The following TCF4 variants were observed in gnomAD, a reference collection of about 807,000 sequenced individuals.
TCF4 encodes SL3-3 enhancer factor 2.
Under a neutral mutation model 82.1 loss-of-function variants are expected in TCF4, and 3 were observed. The observed-to-expected ratio is 0.04, with a 90% CI of 0.02 to 0.09. The LOEUF (loss-of-function observed/expected upper bound fraction) is 0.09, where lower values mean the gene tolerates loss of function less well. Among genes scored for constraint, TCF4 ranks in the 10% least tolerant of loss-of-function variants. The pLI is 1.00. For synonymous variants in TCF4, 276 were observed against 309.6 expected (o/e 0.89, Z 1.14); for missense variants, 518 against 852.7 (o/e 0.61, Z 4.89).
In TCF4 at chr18:55,521,637, C is replaced by T. The variant is rs139450318; in HGVS notation, c.146-57500G>A. Reference sequence around the variant, plus strand: ...GGCCATGTGCCTTCTGCAAGGCCATCCACCATTGCTCTAAAAAGTGCAGGT... The same window carrying T: ...GGCCATGTGCCTTCTGCAAGGCCATTCACCATTGCTCTAAAAAGTGCAGGT... On this transcript the variant is annotated intron_variant, in intron 3 of 19. Coordinates refer to ENST00000354452, the MANE Select transcript of TCF4 (RefSeq NM_001083962.2). 2.9e-3 allele frequency among the ~76,000 whole-genome samples: 435 copies of T among 152,304 alleles called. 11 individuals carry two copies. The highest frequency in any genetic ancestry group is 0.024 in the Admixed American group (373 of 15,292).
upstream of TCF4, chr18:55,589,535 A>T (rs2097679461): frequency 6.7e-6 from 7 of 1,038,670 alleles, no homozygotes; most frequent in South Asian, 1.4e-4. Flanking sequence ...AGAAATCATT[A>T]AAAAAAAATC....
At chr18:55,576,737 T>C (rs920376639) in intron 3 of TCF4, among the ~76,000 whole-genome samples, 4 of 152,202 alleles carry the variant, frequency 2.6e-5, no homozygotes, top group Non-Finnish European at 5.9e-5. Flanking sequence ...CACATTATTG[T>C]GTCTTCCCAA....
chr18:55,295,054 T>C (rs558926008), intron 8 of TCF4, among the ~76,000 whole-genome samples: 6 of 152,166 alleles, frequency 3.9e-5, no homozygotes, highest in Non-Finnish European at 7.3e-5. Flanking sequence ...CAAAAACAGG[T>C]TGGACTGACT....
intron 6 of TCF4, among the ~76,000 whole-genome samples, chr18:55,361,720 T>C (rs1307837869): frequency 6.6e-6 from 1 of 152,190 alleles, no homozygotes; most frequent in African/African-American, 2.4e-5. Flanking sequence ...GTCCTCACTG[T>C]TGAGTCCCAA....
At chr18:55,289,116 T>G (rs1170796904) in intron 8 of TCF4, among the ~76,000 whole-genome samples, 1 of 152,104 alleles carries the variant, frequency 6.6e-6, no homozygotes. Flanking sequence ...TAGCTGAGAG[T>G]GCCTTAAACT....
rs1326287972 is a variant in TCF4, at chr18:55,407,111, A to G, written c.305-3593T>C. 2.6e-5 allele frequency among the ~76,000 whole-genome samples: 4 copies of G among 152,116 alleles called. No individual in the cohort carries two copies. In the East Asian group the frequency reaches 7.7e-4, roughly 29 times the overall value. On this transcript the variant is annotated intron_variant, in intron 5 of 19. Coordinates refer to ENST00000354452, the MANE Select transcript of TCF4 (RefSeq NM_001083962.2). ...GGCGGGGGGAGATTCTGAAATATAT[A>G]CCAGAAACAAATCTTGTCAGGCATT...
At chr18:55,441,804 A>G (rs7231748) in intron 5 of TCF4, among the ~76,000 whole-genome samples, 50,515 of 152,084 alleles carry the variant, frequency 0.33, 8,621 homozygotes, top group East Asian at 0.47. Flanking sequence ...TGAGTAATAT[A>G]GTCACAAATC....
chr18:55,257,148 T>C (rs2057036963), intron 14 of TCF4, among the ~76,000 whole-genome samples, 167 bp downstream of exon 14: 1 of 152,054 alleles, frequency 6.6e-6, no homozygotes, highest in Admixed American at 6.6e-5. Flanking sequence ...CATCTCCAAA[T>C]AGGAGCAAGC....
chr18:55,242,899 C>G (rs2051771673), intron 15 of TCF4, among the ~76,000 whole-genome samples: 1 of 152,118 alleles, frequency 6.6e-6, no homozygotes, highest in Non-Finnish European at 1.5e-5. Context: ...TGAACCACCG[C>G]GCCTAGCCCA....
chr18:55,520,576 T>C (rs191681305), intron 3 of TCF4, among the ~76,000 whole-genome samples: 376 of 152,336 alleles, frequency 2.5e-3, no homozygotes, highest in South Asian at 6.2e-3. Context: ...TATCACATTA[T>C]GTAAACCATG....
chr18:55,336,286 A>G (rs1207478573), intron 8 of TCF4, among the ~76,000 whole-genome samples: 2 of 152,070 alleles, frequency 1.3e-5, no homozygotes, highest in African/African-American at 2.4e-5. Flanking sequence ...CTAAATAGAG[A>G]GTATGTCTGT....
intron 11 of TCF4, 158 bp downstream of exon 11, chr18:55,269,673 G>C: frequency 1.0e-6 from 1 of 994,986 alleles, no homozygotes. Context: ...TCAAGCCAGT[G>C]ATTTTACTTC....
At chr18:55,300,440 T>G (rs941124257) in intron 8 of TCF4, among the ~76,000 whole-genome samples, 25 of 9,896 alleles carry the variant, frequency 2.5e-3, no homozygotes, top group Admixed American at 6.5e-3. Context: ...GGGGGAGGGG[T>G]AAGTGGGGGA....
At chr18:55,302,457 C>T (rs1328603561) in intron 8 of TCF4, 1 of 1,536,266 alleles carries the variant, frequency 6.5e-7, no homozygotes, top group Admixed American at 2.0e-5. Flanking sequence ...AGCCCTGTAT[C>T]TGAGCATCTG....
At chr18:55,469,162 T>A (rs1039309439) in intron 3 of TCF4, among the ~76,000 whole-genome samples, 1 of 152,170 alleles carries the variant, frequency 6.6e-6, no homozygotes, top group African/African-American at 2.4e-5. Context: ...ATGAGTCCCC[T>A]CTACAGTGTC....
chr18:55,360,727 C>A (rs1188411454), intron 6 of TCF4, among the ~76,000 whole-genome samples: 1 of 62,800 alleles, frequency 1.6e-5, no homozygotes, highest in Non-Finnish European at 2.4e-5. Context: ...GCCCGCCCCC[C>A]ACCCTTTTTT....
At chr18:55,616,622 A>G (rs1410463708) in intron 2 of TCF4, among the ~76,000 whole-genome samples, 2 of 152,024 alleles carry the variant, frequency 1.3e-5, no homozygotes. Context: ...CCTCACCAAC[A>G]TTTATCTTTT....
At chr18:55,269,187 T>C (rs2059823967) in intron 11 of TCF4, 1 of 154,748 alleles carries the variant, frequency 6.5e-6, no homozygotes, top group African/African-American at 2.4e-5. Flanking sequence ...TTCTTGGACC[T>C]TAACTCATTA....
At chr18:55,422,330 G>T (rs2094802818) in intron 5 of TCF4, 3 of 985,038 alleles carry the variant, frequency 3.0e-6, no homozygotes, top group Non-Finnish European at 3.6e-6. Context: ...ACATGCTGGG[G>T]CTTGGCTGTC....
Sources: allele counts gnomAD v4.1 joint callset (sites outside exome capture counted in the v4.1 genomes callset), GRCh38; gene constraint gnomAD v4.1.1; transcripts MANE v1.5; gene names NCBI Gene and HGNC (gene_info 2026-07-23, HGNC 2026-07-21).